FKBP7: variants seen among roughly 807,000 people sequenced by gnomAD.
FKBP7 encodes FKBP prolyl isomerase 7.
In FKBP7, 24 loss-of-function variants were observed where a neutral mutation model predicts 24.3. That is an observed-to-expected ratio of 0.99 (90% CI 0.72 to 1.39). The LOEUF is 1.39. Ranked by LOEUF, FKBP7 falls within the 40% of genes most tolerant of loss-of-function variation. The probability of loss-of-function intolerance (pLI) is 0.00; values close to 1 mark genes in which losing one functional copy is unlikely to be tolerated. For synonymous variants in FKBP7, 98 were observed against 92.8 expected (o/e 1.06, Z -0.32); for missense variants, 257 against 269.5 (o/e 0.95, Z 0.33).
rs1685033371 is a variant in FKBP7 at position 178,477,156 on chromosome 2, T to C, written c.279A>G (p.Ile93Met). The change falls in exon 2 of 4, where the codon ATA becomes ATG. Residue 93 changes from isoleucine (I) to methionine (M), a missense_variant. By Grantham distance (10) the Ile-to-Met change is conservative. Coordinates refer to ENST00000424785, the MANE Select transcript of FKBP7 (RefSeq NM_181342.3). ...CTGTCATAGCAATGTCTAGGCCTTT[T>C]ATGACTTGCCCAACACCAAGAACAA... ...KWFVLGVGQV[I>M]KGLDIAMTDM... 2 of 1,613,396 alleles carry C rather than the reference T, an allele frequency of 1.2e-6. No individual in the cohort carries two copies. The highest frequency in any genetic ancestry group is 8.5e-7 in the Non-Finnish European group (1 of 1,179,744).
At chr2:178,472,917 T>TTAAAA in intron 2 of FKBP7, 1 of 239,578 alleles carries the variant, frequency 4.2e-6, no homozygotes. Flanking sequence ...TTTTTTTTTT[T>TTAAAA]AAAAAAAACT....
In FKBP7 at chr2:178,464,319, T is replaced by C. The variant is rs993645564; in HGVS notation, c.*1451A>G. The C allele has an allele frequency of 2.0e-5, 3 of 152,230 alleles. No homozygotes were observed. Among genetic ancestry groups the C allele is most frequent in the Non-Finnish European group, 1.5e-5 (1 of 68,056 alleles). 9.4% of individuals were successfully genotyped at this position (152,230 alleles called of 1,614,324 possible). A position where few individuals can be genotyped will look rare whatever the true frequency, so the allele number is the denominator to read the frequency against. Reference sequence around the variant, plus strand: ...ACCATACTTTCCTATATATGCAGTGTAGTAGTCCATTTTCACACTGCTATA... The same window carrying C: ...ACCATACTTTCCTATATATGCAGTGCAGTAGTCCATTTTCACACTGCTATA... On this transcript the variant is annotated 3_prime_UTR_variant, in exon 4 of 4. Coordinates refer to ENST00000424785, the MANE Select transcript of FKBP7 (RefSeq NM_181342.3).
chr2:178,476,712 T>C (rs888774630), intron 2 of FKBP7, among the ~76,000 whole-genome samples: 2 of 147,992 alleles, frequency 1.4e-5, no homozygotes, highest in Non-Finnish European at 2.9e-5. Context: ...ATATTCCATT[T>C]CATTTTTTTT....
intron 3 of FKBP7, among the ~76,000 whole-genome samples, chr2:178,467,152 A>G (rs961233337): frequency 3.9e-5 from 6 of 152,182 alleles, no homozygotes; most frequent in Non-Finnish European, 8.8e-5. Context: ...TACATAACCA[A>G]TATTGCTGAT....
At position 178,471,653 on chromosome 2, in the gene FKBP7, A is replaced by G. The variant is rs547578460; in HGVS notation, c.374-1868T>C. Among the ~76,000 whole-genome samples the G allele has an allele frequency of 5.9e-5, 9 of 152,362 alleles. No homozygotes were observed. The South Asian group carries it at 1.9e-3, about 32-fold the overall frequency. On this transcript the variant is annotated intron_variant, in intron 2 of 3. Transcript: ENST00000424785. ...TTGCCAGTGTCCTACACAGTGCCTAATCTACTACAGGCAGTCCAATATTTG... is the reference window on the plus strand; with the variant it reads ...TTGCCAGTGTCCTACACAGTGCCTAGTCTACTACAGGCAGTCCAATATTTG...
chr2:178,472,535 C>T (rs575741224), intron 2 of FKBP7, among the ~76,000 whole-genome samples: 3 of 151,838 alleles, frequency 2.0e-5, no homozygotes, highest in Admixed American at 1.3e-4. Context: ...AGTGCAATGG[C>T]GCGATCTCGG....
Position 178,469,681 on chromosome 2 carries a change from C to T in FKBP7, c.478G>A (p.Asp160Asn), listed in dbSNP as rs757284291. The change falls in exon 3 of 4, where the codon GAC (aspartate) becomes AAC (asparagine). Residue 160 changes from aspartate (D) to asparagine (N), a missense_variant. Asp to Asn is a conservative substitution (Grantham distance 23, BLOSUM62 1). Transcript: ENST00000424785. The stretch of plus-strand genomic sequence containing the variant: ...GCTTTAGAGAGCTGCCTGTCATTGT[C>T]CATGTCTATTTGTTTAAATGTCTCA... ...SIETFKQIDM[D>N]NDRQLSKAEI... 1.1e-5 allele frequency: 17 copies of T among 1,613,790 alleles called. No individual in the cohort carries two copies. The South Asian group carries it at 1.6e-4, about 16-fold the overall frequency.
In FKBP7 at chr2:178,478,154, A is replaced by G; in HGVS notation, c.221+125T>C. The G allele has an allele frequency of 3.1e-6, 3 of 973,294 alleles. No individual in the cohort carries two copies. In the African/African-American group the frequency reaches 4.9e-5, roughly 16 times the overall value. The allele number at this position is 973,294 out of a possible 1,614,324, so 60.3% of individuals were successfully genotyped here. A position where few individuals can be genotyped will look rare whatever the true frequency, so the allele number is the denominator to read the frequency against. ...TATAATGTGATTTTTTTTAATGAAT[A>G]AAGGGCTCAACTTTTACCGTTAAAA... On this transcript the variant is annotated intron_variant, in intron 1 of 3. Transcript: ENST00000424785.
In FKBP7 at chr2:178,478,415, C is replaced by T; in HGVS notation, c.85G>A (p.Glu29Lys). 1.2e-6 allele frequency: 2 copies of T among 1,614,142 alleles called. No individual in the cohort carries two copies. The highest frequency in any genetic ancestry group is 1.7e-6 in the Non-Finnish European group (2 of 1,180,022). Residue 29 changes from glutamate to lysine, a missense_variant, in exon 1 of 4, where the codon GAG (glutamate) becomes AAG (lysine). Glu to Lys is a moderately conservative substitution (Grantham distance 56). Coordinates refer to ENST00000424785, the MANE Select transcript of FKBP7 (RefSeq NM_181342.3). ...ATTTTCACTTCTTCGGTGCTCTCCT[C>T]TTTCTTTTGTCTCTGAGCAGTAAAA... Reference protein sequence around the residue: ...GLFTAQRQKKEESTEEVKIEV... With the variant: ...GLFTAQRQKKKESTEEVKIEV...
chr2:178,476,342 GTTTT>G (rs1007427758), intron 2 of FKBP7, among the ~76,000 whole-genome samples: 2 of 151,898 alleles, frequency 1.3e-5, no homozygotes, highest in African/African-American at 4.8e-5. Flanking sequence ...TCACTTTTTT[GTTTT>G]TAATTGTGGT....
intron 2 of FKBP7, among the ~76,000 whole-genome samples, chr2:178,472,350 C>T (rs549404270): frequency 3.3e-5 from 5 of 152,236 alleles, no homozygotes; most frequent in South Asian, 2.1e-4. Context: ...GCTAGGATTA[C>T]AGCTATACGC....
At chr2:178,475,989 C>T (rs374629747) in intron 2 of FKBP7, among the ~76,000 whole-genome samples, 5 of 152,194 alleles carry the variant, frequency 3.3e-5, no homozygotes, top group Non-Finnish European at 7.4e-5. Flanking sequence ...GTTCCTTTTA[C>T]AATGTGCCCG....
At chr2:178,476,698 A>G (rs1685009993) in intron 2 of FKBP7, among the ~76,000 whole-genome samples, 1 of 151,622 alleles carries the variant, frequency 6.6e-6, no homozygotes, top group African/African-American at 2.4e-5. Flanking sequence ...TTTAAGGCTG[A>G]ATAATATTCC....
At chr2:178,472,029 A>G (rs1485948466) in intron 2 of FKBP7, among the ~76,000 whole-genome samples, 2 of 152,048 alleles carry the variant, frequency 1.3e-5, no homozygotes, top group East Asian at 3.8e-4. Context: ...GTCTCCTGAC[A>G]ATAATTCAAG....
intron 1 of FKBP7, 140 bp downstream of exon 1, chr2:178,478,138 AT>A (rs545787975): frequency 1.4e-5 from 11 of 810,538 alleles, no homozygotes; most frequent in Admixed American, 2.8e-5. Flanking sequence ...ATATAATGTG[AT>A]TTTTTTTAAT....
At chr2:178,466,315 A>C (rs959490618) in intron 3 of FKBP7, among the ~76,000 whole-genome samples, 1 of 152,188 alleles carries the variant, frequency 6.6e-6, no homozygotes, top group Non-Finnish European at 1.5e-5. Flanking sequence ...AAACTAATGA[A>C]TATGTTGTAT....
intron 2 of FKBP7, among the ~76,000 whole-genome samples, chr2:178,476,214 A>G (rs939662083): frequency 1.5e-4 from 23 of 152,232 alleles, no homozygotes; most frequent in African/African-American, 5.3e-4. Context: ...CCAGAGATCT[A>G]TATTCAAACA....
intron 2 of FKBP7, among the ~76,000 whole-genome samples, chr2:178,471,965 T>C (rs760565600): frequency 1.3e-5 from 2 of 152,194 alleles, no homozygotes; most frequent in Non-Finnish European, 2.9e-5. Context: ...TCAATGATTG[T>C]TTTATAAAAC....
Position 178,465,566 on chromosome 2 carries a change from C to T in FKBP7, c.*204G>A. On this transcript the variant is annotated 3_prime_UTR_variant, in exon 4 of 4. Transcript: ENST00000424785. Reference sequence around the variant, plus strand: ...TACAATTCTTGTTTACAGAATAAAGCAGTAGGAAACACAGTCATACCATTC... The same window carrying T: ...TACAATTCTTGTTTACAGAATAAAGTAGTAGGAAACACAGTCATACCATTC... 2.5e-6 allele frequency: 1 copy of T among 397,286 alleles called. No homozygotes were observed. The highest frequency in any genetic ancestry group is 4.2e-5 in the East Asian group (1 of 23,922). The allele number at this position is 397,286 out of a possible 1,614,324, so 24.6% of individuals were successfully genotyped here.
Sources: gnomAD v4.1 joint callset for allele counts (sites outside exome capture counted in the v4.1 genomes callset) on GRCh38, gnomAD v4.1.1 for gene constraint, MANE v1.5 for transcripts, NCBI Gene and HGNC (gene_info 2026-07-23, HGNC 2026-07-21) for gene names.